The following FHOD3 variants were observed in gnomAD, a reference collection of about 807,000 sequenced individuals.
FHOD3 encodes formin homology 2 domain containing 3, also known as FH1/FH2 domain-containing protein 3.
Under a neutral mutation model 173.0 loss-of-function variants are expected in FHOD3, and 90 were observed. The ratio of observed to expected loss-of-function variants is 0.52; its 90% CI spans 0.44 to 0.62. FHOD3 has a LOEUF of 0.62. Ranked by LOEUF, FHOD3 falls within the 20% of genes least tolerant of loss-of-function variation. The probability of loss-of-function intolerance (pLI) is 0.00; values close to 1 mark genes in which losing one functional copy is unlikely to be tolerated. For synonymous variants in FHOD3, 828 were observed against 823.0 expected, an observed-to-expected ratio of 1.01 and a Z score of -0.10; for missense variants, 1,945 against 2,034.7, an observed-to-expected ratio of 0.96 and a Z score of 0.85.
chr18:36,649,981 A>G (rs974211943), intron 11 of FHOD3, among the ~76,000 whole-genome samples: 10 of 152,056 alleles, frequency 6.6e-5, no homozygotes, highest in Admixed American at 3.3e-4. Context: ...GCTGTCATCT[A>G]CTCACCTCCT....
intron 5 of FHOD3, among the ~76,000 whole-genome samples, chr18:36,573,065 G>A (rs1208218152): frequency 6.6e-6 from 1 of 151,528 alleles, no homozygotes; most frequent in Non-Finnish European, 1.5e-5. Flanking sequence ...GGTGGGGGTG[G>A]TGGTGGTAAG....
intron 5 of FHOD3, among the ~76,000 whole-genome samples, chr18:36,546,460 T>C (rs2057413041): frequency 6.6e-6 from 1 of 152,226 alleles, no homozygotes. Flanking sequence ...AGCTTTAGTG[T>C]AATCAACAGA....
intron 2 of FHOD3, among the ~76,000 whole-genome samples, chr18:36,363,120 C>T (rs1354289785): frequency 6.6e-6 from 1 of 152,066 alleles, no homozygotes. Context: ...CTTAGAATGG[C>T]TAAAATAAAA....
intron 10 of FHOD3, among the ~76,000 whole-genome samples, chr18:36,626,467 G>A (rs1162943046): frequency 1.3e-5 from 2 of 152,294 alleles, no homozygotes; most frequent in East Asian, 3.9e-4. Flanking sequence ...GCCAAACCCA[G>A]AGTGGTTCTA....
Position 36,693,328 on chromosome 18 carries a change from G to A in FHOD3, c.2141G>A (p.Cys714Tyr), listed in dbSNP as rs1226081460. 1 of 1,613,774 alleles carries A rather than the reference G, an allele frequency of 6.2e-7. No homozygotes were observed. The highest frequency in any genetic ancestry group is 1.1e-5 in the South Asian group (1 of 91,060). ...LDLTSPAAPA[C>Y]LAPLSHSPSS... ...CTGACCTCGCCAGCAGCCCCAGCCT[G>A]CCTGGCTCCTCTGAGCCATAGCCCC... is the stretch of plus-strand genomic sequence containing the variant. Residue 714 changes from cysteine (C) to tyrosine (Y), a missense_variant, in exon 17 of 29, where the codon TGC becomes TAC. Cys to Tyr is a radical substitution (Grantham distance 194). Around this residue, in one of 5 missense-constraint regions of FHOD3, gnomAD observed 1,099 missense variants for 1,051.2 expected, o/e 1.05. Transcript: ENST00000590592.
chr18:36,508,183 G>A (rs2055409845), intron 4 of FHOD3, among the ~76,000 whole-genome samples: 1 of 152,026 alleles, frequency 6.6e-6, no homozygotes, highest in South Asian at 2.1e-4. Flanking sequence ...TTAAAAATTA[G>A]GATTCTTAAG....
chr18:36,597,616 TG>T (rs1238717095), intron 7 of FHOD3, among the ~76,000 whole-genome samples: 2 of 152,102 alleles, frequency 1.3e-5, no homozygotes, highest in African/African-American at 4.8e-5. Flanking sequence ...TTAGTAGAGA[TG>T]GGCTTTCACC....
intron 1 of FHOD3, among the ~76,000 whole-genome samples, chr18:36,342,406 C>T (rs751399616): frequency 5.8e-4 from 88 of 152,022 alleles, no homozygotes; most frequent in Middle Eastern, 3.4e-3. Context: ...AATCTGCATG[C>T]AAGCACATTA....
At chr18:36,587,653 T>A (rs2059081030) in intron 6 of FHOD3, among the ~76,000 whole-genome samples, 1 of 151,996 alleles carries the variant, frequency 6.6e-6, no homozygotes, top group Admixed American at 6.6e-5. Context: ...TAGCTGGGCT[T>A]GGTGGTGCAT....
In FHOD3 at chr18:36,770,250, G is replaced by C. The variant is rs535046056; in HGVS notation, c.4786+824G>C. On this transcript the variant is annotated intron_variant, in intron 28 of 28. Transcript: ENST00000590592. ...TTTGCCTCTGAGAATAAGGGTTAGT[G>C]ACAAGGAAAGAAGCCAGTGGCTTCC... 2.0e-5 allele frequency among the ~76,000 whole-genome samples: 3 copies of C among 152,352 alleles called. No individual in the cohort carries two copies. In the South Asian group the frequency reaches 6.2e-4, roughly 32 times the overall value.
chr18:36,529,217 C>A (rs1276120562), intron 5 of FHOD3, among the ~76,000 whole-genome samples: 2 of 152,164 alleles, frequency 1.3e-5, no homozygotes, highest in African/African-American at 4.8e-5. Context: ...GGAAATATGG[C>A]AGCGTTCAGG....
At chr18:36,300,507 C>A (rs1001734429) in intron 1 of FHOD3, among the ~76,000 whole-genome samples, 1 of 152,142 alleles carries the variant, frequency 6.6e-6, no homozygotes, top group Admixed American at 6.5e-5. Context: ...GGTCTGTTGA[C>A]CTGGGTGAGC....
At chr18:36,597,990 CAT>C (rs2030757961) in intron 7 of FHOD3, among the ~76,000 whole-genome samples, 2 of 152,156 alleles carry the variant, frequency 1.3e-5, no homozygotes, top group Admixed American at 1.3e-4. Flanking sequence ...TGGAATTAAA[CAT>C]ATAAATATGC....
At chr18:36,628,040 C>T (rs779003618) in intron 10 of FHOD3, among the ~76,000 whole-genome samples, 10 of 152,208 alleles carry the variant, frequency 6.6e-5, no homozygotes, top group Non-Finnish European at 1.5e-4. Context: ...ATAACTCAGT[C>T]ACCCAAGTGA....
At chr18:36,465,397 A>C (rs1479338898) in intron 3 of FHOD3, among the ~76,000 whole-genome samples, 2 of 152,196 alleles carry the variant, frequency 1.3e-5, no homozygotes, top group South Asian at 4.1e-4. Context: ...GGCTGCCTCC[A>C]GAACCATGGG....
chr18:36,515,610 G>T (rs1402062529), intron 5 of FHOD3, among the ~76,000 whole-genome samples: 1 of 152,200 alleles, frequency 6.6e-6, no homozygotes. Context: ...ATGACCAGGG[G>T]AGAGCCCGTC....
At chr18:36,578,672 A>C (rs2058742790) in intron 6 of FHOD3, among the ~76,000 whole-genome samples, 2 of 152,160 alleles carry the variant, frequency 1.3e-5, no homozygotes, top group African/African-American at 4.8e-5. Context: ...GGGAGCACTC[A>C]GCCCTGGTTT....
intron 20 of FHOD3, among the ~76,000 whole-genome samples, chr18:36,740,350 G>T (rs1205562733): frequency 6.6e-6 from 1 of 152,156 alleles, no homozygotes; most frequent in Non-Finnish European, 1.5e-5. Flanking sequence ...GTGCTACAAA[G>T]CATATCTTTT....
chr18:36,397,703 G>A (rs1465331070), intron 3 of FHOD3, among the ~76,000 whole-genome samples: 1 of 152,060 alleles, frequency 6.6e-6, no homozygotes, highest in South Asian at 2.1e-4. Flanking sequence ...TTTATATAAT[G>A]AACTCCCAAA....
Sources: gnomAD v4.1 joint callset for allele counts (sites outside exome capture counted in the v4.1 genomes callset) on GRCh38, gnomAD v4.1.1 for gene constraint, gnomAD v4.1.1 regional missense constraint, MANE v1.5 for transcripts, NCBI Gene and HGNC (gene_info 2026-07-23, HGNC 2026-07-21) for gene names.